The following GCC2 variants were observed in gnomAD, a reference collection of about 807,000 sequenced individuals.
GCC2 encodes the protein GRIP and coiled-coil domain-containing protein 2.
Under a neutral mutation model 210.6 loss-of-function variants are expected in GCC2, and 120 were observed. The ratio of observed to expected loss-of-function variants is 0.57; its 90% CI spans 0.49 to 0.66. The LOEUF is 0.66. GCC2 is among the 30% of genes least tolerant of loss of function. The pLI is 0.00. For missense variants in GCC2, 1,868 were observed against 1,871.9 expected, an observed-to-expected ratio of 1.00 and a Z score of 0.04; for synonymous variants, 703 against 652.7, an observed-to-expected ratio of 1.08 and a Z score of -1.17.
rs75040091 is a variant in GCC2, at chr2:108,466,760, C to T, written c.217-2220C>T. The stretch of plus-strand genomic sequence containing the variant: ...ATGCTGGGATTACAGGCATGAGCTA[C>T]CTGCACCCGGCCAGCTTATGGTTTC... On this transcript the variant is annotated intron_variant, in intron 4 of 22. Coordinates refer to ENST00000309863, the MANE Select transcript of GCC2 (RefSeq NM_181453.4). Among the ~76,000 whole-genome samples the T allele has an allele frequency of 2.9e-3, 434 of 152,174 alleles. 4 individuals are homozygous for T. Among genetic ancestry groups the T allele is most frequent in the African/African-American group, 1.0e-2 (414 of 41,530 alleles).
At chr2:108,506,929 G>A (rs1426790956) in intron 22 of GCC2, among the ~76,000 whole-genome samples, 2 of 151,994 alleles carry the variant, frequency 1.3e-5, no homozygotes, top group Admixed American at 6.6e-5. Flanking sequence ...ATTTCTGCAT[G>A]ATTTTCATAG....
At chr2:108,497,161 A>C in intron 21 of GCC2, 52 bp downstream of exon 21, 1 of 1,611,114 alleles carries the variant, frequency 6.2e-7, no homozygotes, top group Non-Finnish European at 8.5e-7. Flanking sequence ...GGTTTTCTTG[A>C]CCCTCCATAC....
rs999307147 is a variant in GCC2, at chr2:108,452,483, G to A, written c.216+17G>A. The A allele has an allele frequency of 3.5e-6, 5 of 1,410,916 alleles. No homozygotes were observed. The highest frequency in any genetic ancestry group is 5.0e-6 in the Non-Finnish European group (5 of 997,650). The allele number at this position is 1,410,916 out of a possible 1,614,324, so 87.4% of individuals were successfully genotyped here. Reference sequence around the variant, plus strand: ...ATTATTAAGGTAATTATTACGTTGGGAAATGTCTAAAGAGAAATAAAATTT... The same window carrying A: ...ATTATTAAGGTAATTATTACGTTGGAAAATGTCTAAAGAGAAATAAAATTT... On this transcript the variant is annotated intron_variant, in intron 4 of 22. Coordinates refer to ENST00000309863, the MANE Select transcript of GCC2 (RefSeq NM_181453.4).
chr2:108,456,186 C>A (rs1341003789), intron 4 of GCC2, among the ~76,000 whole-genome samples: 3 of 152,050 alleles, frequency 2.0e-5, no homozygotes, highest in Non-Finnish European at 4.4e-5. Flanking sequence ...GGGGTTTCAC[C>A]ATATTAGCCA....
chr2:108,461,830 C>CTTTTTT lies in GCC2; in HGVS notation c.217-7145_217-7144insTTTTTT, dbSNP rs1313525353. Among the ~76,000 whole-genome samples, 286 of 124,076 alleles carry CTTTTTT rather than the reference C, an allele frequency of 2.3e-3. 16 individuals are homozygous for CTTTTTT. Among genetic ancestry groups the CTTTTTT allele is most frequent in the Middle Eastern group, 5.1e-3 (1 of 198 alleles). 81.4% of individuals were successfully genotyped at this position (124,076 alleles called of 152,430 possible). On this transcript the variant is annotated intron_variant, in intron 4 of 22. Transcript: ENST00000309863. ...CTAAATAGGTTTTCTTTTTTTTTTT[C>CTTTTTT]TTTTTCTTTTTTTTTTTTTTTGAGA... is the stretch of plus-strand genomic sequence containing the variant.
At chr2:108,464,646 G>A (rs1414180803) in intron 4 of GCC2, among the ~76,000 whole-genome samples, 1 of 152,170 alleles carries the variant, frequency 6.6e-6, no homozygotes, top group African/African-American at 2.4e-5. Context: ...CTGTAGCGGA[G>A]CAGGCTGCCT....
chr2:108,471,795 T>A lies in GCC2; in HGVS notation c.2466T>A (p.Ser822Arg). The A allele has an allele frequency of 6.2e-7, 1 of 1,613,130 alleles. No individual in the cohort carries two copies. Among genetic ancestry groups the A allele is most frequent in the Non-Finnish European group, 8.5e-7 (1 of 1,179,326 alleles). Residue 822 changes from serine (S) to arginine (R), a missense_variant, in exon 6 of 23, where the codon AGT becomes AGA. Coordinates refer to ENST00000309863, the MANE Select transcript of GCC2 (RefSeq NM_181453.4). ...EKEIKCLQEESVVQCEELKSL... is the reference protein window; with the variant it reads ...EKEIKCLQEERVVQCEELKSL... ...AGATTAAGTGCCTTCAAGAAGAGAG[T>A]GTAGTTCAGTGTGAAGAACTTAAGT... is the stretch of plus-strand genomic sequence containing the variant.
intron 22 of GCC2, among the ~76,000 whole-genome samples, chr2:108,505,576 T>C (rs758804364): frequency 4.6e-5 from 7 of 152,172 alleles, no homozygotes; most frequent in Non-Finnish European, 8.8e-5. Context: ...TTGCACACTT[T>C]GTTGAAGCAA....
intron 15 of GCC2, 41 bp downstream of exon 15, chr2:108,485,949 A>G (rs751457693): frequency 7.2e-6 from 7 of 965,712 alleles, no homozygotes; most frequent in Non-Finnish European, 9.5e-6. Context: ...ATGTTTTTTC[A>G]TGTAGAAGTG....
chr2:108,466,986 T>G (rs1188477573), intron 4 of GCC2, among the ~76,000 whole-genome samples: 1 of 152,228 alleles, frequency 6.6e-6, no homozygotes, highest in Non-Finnish European at 1.5e-5. Flanking sequence ...ATTGGTTGTC[T>G]GTGCCTTTGC....
chr2:108,478,990 C>T (rs1334597462), intron 9 of GCC2, among the ~76,000 whole-genome samples: 2 of 151,812 alleles, frequency 1.3e-5, no homozygotes, highest in African/African-American at 4.8e-5. Flanking sequence ...GTCAGGAGTT[C>T]GAGACCAGTC....
intron 4 of GCC2, among the ~76,000 whole-genome samples, chr2:108,465,637 C>G (rs970012364): frequency 6.6e-6 from 1 of 152,290 alleles, no homozygotes; most frequent in African/African-American, 2.4e-5. Context: ...ATAATGGCCT[C>G]TAGCTCCATC....
intron 4 of GCC2, among the ~76,000 whole-genome samples, chr2:108,466,996 C>CTGA (rs1181290025): frequency 1.3e-5 from 2 of 152,256 alleles, no homozygotes; most frequent in East Asian, 1.9e-4. Context: ...TGTGCCTTTG[C>CTGA]TGATACTATA....
intron 4 of GCC2, among the ~76,000 whole-genome samples, chr2:108,452,686 TC>T (rs1376817581): frequency 2.2e-5 from 3 of 135,002 alleles, no homozygotes; most frequent in Non-Finnish European, 4.6e-5. Flanking sequence ...TTTTCTTTTT[TC>T]TTTCTTTTTT....
chr2:108,476,522 G>A (rs1400932484), intron 9 of GCC2, among the ~76,000 whole-genome samples: 1 of 152,010 alleles, frequency 6.6e-6, no homozygotes, highest in African/African-American at 2.4e-5. Context: ...ATTGTTATTT[G>A]GAGGCAATAT....
chr2:108,493,399 T>C, intron 19 of GCC2: 1 of 976,450 alleles, frequency 1.0e-6, no homozygotes, highest in South Asian at 4.6e-5. Context: ...ACACATGTCT[T>C]AATTCTAGTA....
intron 2 of GCC2, chr2:108,449,968 G>A (rs2378113): frequency 0.39 from 151,715 of 393,774 alleles, 34,053 homozygotes; most frequent in East Asian, 0.83. Context: ...TTATATAGTG[G>A]TGTAGTGGAA....
Position 108,449,254 on chromosome 2 carries a change from G to A in GCC2, c.-21G>A. 1.9e-6 allele frequency: 3 copies of A among 1,548,914 alleles called. No individual in the cohort carries two copies. The highest frequency in any genetic ancestry group is 1.2e-5 in the South Asian group (1 of 83,922). ...CAGCGGTGGCGGCGGCTGGTTGCGG[G>A]CCGGCGGCGGGCTGGCGGAGATGGA... is the stretch of plus-strand genomic sequence containing the variant. On this transcript the variant is annotated 5_prime_UTR_variant, in exon 1 of 23. Coordinates refer to ENST00000309863, the MANE Select transcript of GCC2 (RefSeq NM_181453.4).
In GCC2 at chr2:108,487,901, T is replaced by A. The variant is rs10196723; in HGVS notation, c.4052+81T>A. The A allele has an allele frequency of 6.6e-3, 795 of 121,098 alleles. 7 individuals carry two copies. Among genetic ancestry groups the A allele is most frequent in the African/African-American group, 0.037 (710 of 19,422 alleles). 7.5% of individuals were successfully genotyped at this position (121,098 alleles called of 1,614,324 possible). ...AAGTAGATTGAAAATCCTATTATGA[T>A]TTTTTTTTTTTTTTTTTTTTTTGAG... On this transcript the variant is annotated intron_variant, in intron 17 of 22. Coordinates refer to ENST00000309863, the MANE Select transcript of GCC2 (RefSeq NM_181453.4).
Sources: gnomAD v4.1 joint callset for allele counts (sites outside exome capture counted in the v4.1 genomes callset) on GRCh38, gnomAD v4.1.1 for gene constraint, MANE v1.5 for transcripts, NCBI Gene and HGNC (gene_info 2026-07-23, HGNC 2026-07-21) for gene names.